FOXP1: variants seen among roughly 807,000 people sequenced by gnomAD.
FOXP1 encodes the protein forkhead box protein P1.
A neutral mutation model predicts 98.2 loss-of-function variants in FOXP1; 15 were observed. The ratio of observed to expected loss-of-function variants is 0.15; its 90% CI spans 0.10 to 0.24. The LOEUF (loss-of-function observed/expected upper bound fraction) is 0.24, where lower values mean the gene tolerates loss of function less well. Among genes scored for constraint, FOXP1 ranks in the 10% least tolerant of loss-of-function variants. The pLI is 1.00. For synonymous variants in FOXP1, 371 were observed against 314.5 expected (o/e 1.18, Z -1.90); for missense variants, 633 against 848.5 (o/e 0.75, Z 3.15).
chr3:71,000,522 T>C (rs2041981760), intron 13 of FOXP1, among the ~76,000 whole-genome samples: 1 of 152,112 alleles, frequency 6.6e-6, no homozygotes, highest in African/African-American at 2.4e-5. Flanking sequence ...TCTTTCTCTC[T>C]TCATTCACAT....
At chr3:71,295,557 C>A (rs1197882703) in intron 5 of FOXP1, among the ~76,000 whole-genome samples, 1 of 142,220 alleles carries the variant, frequency 7.0e-6, no homozygotes, top group African/African-American at 2.5e-5. Context: ...CTCAAATAAC[C>A]TGACTTTAAA....
intron 3 of FOXP1, among the ~76,000 whole-genome samples, chr3:71,409,333 G>A (rs551121089): frequency 2.6e-5 from 4 of 152,164 alleles, no homozygotes; most frequent in Non-Finnish European, 5.9e-5. Flanking sequence ...ATGAGATCAG[G>A]GAGTAGTTTT....
intron 5 of FOXP1, among the ~76,000 whole-genome samples, chr3:71,279,172 C>CAAAAAAAAA (rs11308828): frequency 8.3e-4 from 58 of 69,680 alleles, no homozygotes; most frequent in South Asian, 2.6e-3. Context: ...AACTCCATCT[C>CAAAAAAAAA]AAAAAAAAAA....
chr3:71,470,278 T>C (rs1454065452), intron 3 of FOXP1, among the ~76,000 whole-genome samples: 1 of 152,154 alleles, frequency 6.6e-6, no homozygotes, highest in Admixed American at 6.5e-5. Context: ...AATAACAGTA[T>C]CTACCACATA....
At chr3:71,029,887 C>T (rs1168791519) in intron 11 of FOXP1, among the ~76,000 whole-genome samples, 3 of 152,098 alleles carry the variant, frequency 2.0e-5, no homozygotes, top group Non-Finnish European at 2.9e-5. Flanking sequence ...AATACATGCT[C>T]AATACGTGTG....
intron 4 of FOXP1, among the ~76,000 whole-genome samples, chr3:71,321,166 A>G (rs1162008600): frequency 1.3e-5 from 2 of 151,596 alleles, no homozygotes; most frequent in Non-Finnish European, 2.9e-5. Flanking sequence ...AGATAGTAAG[A>G]CGATTTTGCA....
At chr3:70,961,226 T>C (rs2033403023) in intron 20 of FOXP1, among the ~76,000 whole-genome samples, 1 of 151,438 alleles carries the variant, frequency 6.6e-6, no homozygotes, top group Non-Finnish European at 1.5e-5. Context: ...TCTCCAGCTA[T>C]TTTATTTATT....
chr3:71,503,067 TAAGAG>T (rs956369050), intron 2 of FOXP1, among the ~76,000 whole-genome samples: 2 of 151,548 alleles, frequency 1.3e-5, no homozygotes, highest in Admixed American at 1.3e-4. Context: ...ACAAAAGAGT[TAAGAG>T]AAGAAAAAAA....
intron 2 of FOXP1, among the ~76,000 whole-genome samples, chr3:71,557,001 A>G (rs527786944): frequency 6.6e-6 from 1 of 152,150 alleles, no homozygotes; most frequent in Non-Finnish European, 1.5e-5. Context: ...CTAAAAAAAA[A>G]GTGTTCATGA....
intron 6 of FOXP1, among the ~76,000 whole-genome samples, chr3:71,190,638 C>CAAAAAA (rs55747148): frequency 3.1e-3 from 129 of 42,072 alleles, no homozygotes; most frequent in Non-Finnish European, 3.9e-3. Context: ...ACCCCATCTC[C>CAAAAAA]AAAAAAAAAA....
At chr3:71,461,713 C>T (rs1054120658) in intron 3 of FOXP1, among the ~76,000 whole-genome samples, 11 of 151,534 alleles carry the variant, frequency 7.3e-5, no homozygotes, top group Admixed American at 2.0e-4. Flanking sequence ...AGGCAGAGAA[C>T]TGCTTGAACC....
intron 3 of FOXP1, among the ~76,000 whole-genome samples, chr3:71,396,373 C>T (rs752044725): frequency 6.6e-6 from 1 of 152,114 alleles, no homozygotes; most frequent in Non-Finnish European, 1.5e-5. Context: ...TTAATCAACT[C>T]AAGTCTAGGA....
intron 2 of FOXP1, among the ~76,000 whole-genome samples, chr3:71,507,571 T>C (rs780187096): frequency 2.0e-5 from 3 of 152,004 alleles, no homozygotes. Flanking sequence ...GAATGATATG[T>C]TGCAAAACTG....
At chr3:71,456,292 G>A (rs1449177625) in intron 3 of FOXP1, among the ~76,000 whole-genome samples, 2 of 152,162 alleles carry the variant, frequency 1.3e-5, no homozygotes, top group Admixed American at 6.5e-5. Context: ...GGCAAAACAG[G>A]AAATTTGAGG....
chr3:70,985,397 T>G (rs1011852106), intron 14 of FOXP1, among the ~76,000 whole-genome samples: 1 of 152,186 alleles, frequency 6.6e-6, no homozygotes, highest in Non-Finnish European at 1.5e-5. Context: ...TTTTTTCTTT[T>G]TGGCAAAGAA....
At chr3:71,463,503 A>T (rs934838899) in intron 3 of FOXP1, among the ~76,000 whole-genome samples, 1 of 152,008 alleles carries the variant, frequency 6.6e-6, no homozygotes, top group Non-Finnish European at 1.5e-5. Context: ...CACACTAAGG[A>T]GCTGTATGCA....
chr3:71,583,510 G>A, intron 1 of FOXP1, 61 bp downstream of exon 1: 1 of 983,186 alleles, frequency 1.0e-6, no homozygotes, highest in Non-Finnish European at 1.2e-6. Flanking sequence ...TAAAGTGGCG[G>A]AAACAAGACA....
intron 5 of FOXP1, among the ~76,000 whole-genome samples, chr3:71,198,699 CT>C (rs1002051239): frequency 3.7e-4 from 54 of 146,152 alleles, no homozygotes; most frequent in Admixed American, 4.8e-4. Flanking sequence ...TTTCTTTTTT[CT>C]TTTTTTTTTT....
At chr3:71,523,693 G>A (rs547706148) in intron 2 of FOXP1, among the ~76,000 whole-genome samples, 5 of 151,978 alleles carry the variant, frequency 3.3e-5, no homozygotes, top group Admixed American at 6.5e-5. Context: ...TTCCACATAT[G>A]CATTTGTAGA....
Sources: gnomAD v4.1 joint callset for allele counts (sites outside exome capture counted in the v4.1 genomes callset) on GRCh38, gnomAD v4.1.1 for gene constraint, MANE v1.5 for transcripts, NCBI Gene and HGNC (gene_info 2026-07-23, HGNC 2026-07-21) for gene names.